Variants in CDKAL1 observed in about 807,000 individuals in gnomAD.
The protein encoded by CDKAL1 is CDKAL1 threonylcarbamoyladenosine tRNA methylthiotransferase, also known as threonylcarbamoyladenosine tRNA methylthiotransferase.
In CDKAL1, 32 loss-of-function variants were observed where a neutral mutation model predicts 68.2. That is an observed-to-expected ratio of 0.47 (90% CI 0.35 to 0.63). The LOEUF is 0.63. Among genes scored for constraint, CDKAL1 ranks in the 30% least tolerant of loss-of-function variants. CDKAL1 has a pLI of 0.00. For synonymous variants in CDKAL1, 234 were observed against 244.3 expected, an observed-to-expected ratio of 0.96 and a Z score of 0.39; for missense variants, 606 against 696.7, an observed-to-expected ratio of 0.87 and a Z score of 1.47.
intron 9 of CDKAL1, among the ~76,000 whole-genome samples, chr6:20,942,066 A>C (rs1763997357): frequency 6.6e-6 from 1 of 152,216 alleles, no homozygotes; most frequent in African/African-American, 2.4e-5. Context: ...TATGTTTAAC[A>C]CATGTAGACT....
rs150144943 is a variant in CDKAL1 at position 20,910,624 on chromosome 6, T to G, written c.743-44795T>G. 2.9e-4 allele frequency among the ~76,000 whole-genome samples: 44 copies of G among 152,312 alleles called. No homozygotes were observed. The East Asian group carries it at 7.3e-3, about 25-fold the overall frequency. Reference sequence around the variant, plus strand: ...CCTCTGTGTGCCCTGATTTGCTGGCTTTTTTGATGGAGCATGGTGTTGTGG... The same window carrying G: ...CCTCTGTGTGCCCTGATTTGCTGGCGTTTTTGATGGAGCATGGTGTTGTGG... On this transcript the variant is annotated intron_variant, in intron 9 of 15. Transcript: ENST00000274695.
intron 5 of CDKAL1, among the ~76,000 whole-genome samples, chr6:20,735,955 C>T (rs56017320): frequency 0.12 from 18,489 of 152,132 alleles, 1,429 homozygotes; most frequent in East Asian, 0.34. Context: ...CTGCTGCATC[C>T]GCTGTCATCA....
At chr6:20,733,066 C>T (rs1773030375) in intron 5 of CDKAL1, among the ~76,000 whole-genome samples, 1 of 152,158 alleles carries the variant, frequency 6.6e-6, no homozygotes, top group South Asian at 2.1e-4. Context: ...GCCCAGCCGC[C>T]CCAGTGCCCC....
At position 21,092,012 on chromosome 6, in the gene CDKAL1, G is replaced by A. The variant is rs377003484; in HGVS notation, c.1237-16389G>A. On this transcript the variant is annotated intron_variant, in intron 12 of 15. Transcript: ENST00000274695. ...CGCCATTCTCCTGCCTCAGCCTCCC[G>A]AGTAGCTGGGACTACAGGCGCCCGC... Among the ~76,000 whole-genome samples the A allele has an allele frequency of 5.1e-3, 765 of 149,530 alleles. 10 individuals are homozygous for A. Among genetic ancestry groups the A allele is most frequent in the African/African-American group, 0.018 (727 of 40,812 alleles).
chr6:20,762,896 T>C (rs1161030695), intron 7 of CDKAL1, among the ~76,000 whole-genome samples: 3 of 152,182 alleles, frequency 2.0e-5, no homozygotes. Context: ...ACCAAGTTAA[T>C]TTGGGACTTT....
intron 5 of CDKAL1, among the ~76,000 whole-genome samples, chr6:20,694,490 A>C (rs957739936): frequency 6.6e-6 from 1 of 152,166 alleles, no homozygotes; most frequent in Non-Finnish European, 1.5e-5. Context: ...TTCTACTCCC[A>C]CAGCTTGCAT....
At chr6:20,584,266 G>C (rs1401542302) in intron 4 of CDKAL1, among the ~76,000 whole-genome samples, 1 of 152,116 alleles carries the variant, frequency 6.6e-6, no homozygotes, top group Non-Finnish European at 1.5e-5. Context: ...GTCTCACACA[G>C]GAGTCCGGTT....
chr6:20,718,339 C>A (rs2127840751), intron 5 of CDKAL1, among the ~76,000 whole-genome samples: 1 of 152,214 alleles, frequency 6.6e-6, no homozygotes, highest in African/African-American at 2.4e-5. Flanking sequence ...AAGAGAAATC[C>A]TATTGTCATG....
chr6:21,106,222 T>C (rs1052925138), intron 12 of CDKAL1, among the ~76,000 whole-genome samples: 1 of 152,252 alleles, frequency 6.6e-6, no homozygotes, highest in Non-Finnish European at 1.5e-5. Flanking sequence ...TTTGCATTTG[T>C]AAAGTTTTCA....
In CDKAL1 at chr6:20,575,668, T is replaced by G. The variant is rs1480362225; in HGVS notation, c.286+26963T>G. 4.6e-5 allele frequency among the ~76,000 whole-genome samples: 7 copies of G among 152,176 alleles called. No homozygotes were observed. In the South Asian group the frequency reaches 1.0e-3, roughly 22 times the overall value. ...TACAGGGTTTCTATTTTGGAGGTCA[T>G]AGCTTTTAAAAGTTCTTCGAAAATA... On this transcript the variant is annotated intron_variant, in intron 4 of 15. Transcript: ENST00000274695.
chr6:20,844,311 G>C (rs935767540), intron 8 of CDKAL1, among the ~76,000 whole-genome samples: 2 of 152,138 alleles, frequency 1.3e-5, no homozygotes, highest in Non-Finnish European at 2.9e-5. Context: ...TCTCATGTCA[G>C]ATGATTTGCA....
chr6:20,949,491 C>T (rs986392403), intron 9 of CDKAL1, among the ~76,000 whole-genome samples: 9 of 152,096 alleles, frequency 5.9e-5, no homozygotes, highest in African/African-American at 9.7e-5. Flanking sequence ...AGGTGCTTTT[C>T]AAATGTTAGC....
chr6:20,654,121 G>A (rs1249421119), intron 5 of CDKAL1, among the ~76,000 whole-genome samples: 1 of 152,164 alleles, frequency 6.6e-6, no homozygotes, highest in African/African-American at 2.4e-5. Context: ...GACCTCAAGT[G>A]ATCCACCTGC....
chr6:20,735,464 A>T (rs934263732), intron 5 of CDKAL1, among the ~76,000 whole-genome samples: 2 of 152,134 alleles, frequency 1.3e-5, no homozygotes, highest in Non-Finnish European at 2.9e-5. Context: ...ATCAGAACTT[A>T]CTATCATGAG....
chr6:21,135,671 T>A (rs1775555996), intron 13 of CDKAL1: 1 of 983,754 alleles, frequency 1.0e-6, no homozygotes, highest in African/African-American at 1.7e-5. Flanking sequence ...ACTGTGCTTC[T>A]TTAAAATTAA....
chr6:20,751,148 C>T (rs544476092), intron 6 of CDKAL1, among the ~76,000 whole-genome samples: 9 of 151,912 alleles, frequency 5.9e-5, no homozygotes, highest in Non-Finnish European at 1.0e-4. Context: ...GCTGGTTTTT[C>T]AGGAAAAATG....
chr6:20,718,831 A>G (rs1445750584), intron 5 of CDKAL1, among the ~76,000 whole-genome samples: 1 of 152,188 alleles, frequency 6.6e-6, no homozygotes, highest in Non-Finnish European at 1.5e-5. Context: ...TTATAATTAA[A>G]AAAAACTTCT....
At chr6:20,855,054 T>C (rs903554977) in intron 9 of CDKAL1, among the ~76,000 whole-genome samples, 1 of 151,826 alleles carries the variant, frequency 6.6e-6, no homozygotes, top group Non-Finnish European at 1.5e-5. Context: ...ACATAGGGAG[T>C]GGTGAGGGAT....
chr6:20,936,840 T>C (rs1177255709), intron 9 of CDKAL1, among the ~76,000 whole-genome samples: 1 of 152,162 alleles, frequency 6.6e-6, no homozygotes, highest in Admixed American at 6.5e-5. Flanking sequence ...GCTGAGGAAA[T>C]AGGTTCTTGA....
Sources: gnomAD v4.1 joint callset for allele counts (sites outside exome capture counted in the v4.1 genomes callset) on GRCh38, gnomAD v4.1.1 for gene constraint, MANE v1.5 for transcripts, NCBI Gene and HGNC (gene_info 2026-07-23, HGNC 2026-07-21) for gene names.